Variants in RNASEH2B observed in about 807,000 individuals in gnomAD.
The protein encoded by RNASEH2B is ribonuclease H2 subunit B.
A neutral mutation model predicts 45.0 loss-of-function variants in RNASEH2B; 36 were observed. That is an observed-to-expected ratio of 0.80 (90% CI 0.61 to 1.06). The LOEUF (loss-of-function observed/expected upper bound fraction) is 1.06. Among genes scored for constraint, RNASEH2B ranks in the 50% least tolerant of loss-of-function variants. The probability of loss-of-function intolerance (pLI) is 0.00; values close to 1 mark genes in which losing one functional copy is unlikely to be tolerated. For synonymous variants in RNASEH2B, 119 were observed against 125.7 expected, an observed-to-expected ratio of 0.95 and a Z score of 0.35; for missense variants, 361 against 360.3, an observed-to-expected ratio of 1.00 and a Z score of -0.02.
chr13:50,960,219 C>T, downstream of RNASEH2B: 1 of 766,496 alleles, frequency 1.3e-6, no homozygotes, highest in Non-Finnish European at 1.8e-6. Flanking sequence ...AACCAGTTTA[C>T]TAAACTATTA....
chr13:50,952,933 C>A (rs1364450238), intron 9 of RNASEH2B: 2 of 152,078 alleles, frequency 1.3e-5, no homozygotes, highest in Admixed American at 1.3e-4. Context: ...GATAAAACAC[C>A]ATGGGCTGTG....
At chr13:50,954,814 A>G (rs951016170) in intron 10 of RNASEH2B, 2 of 152,206 alleles carry the variant, frequency 1.3e-5, no homozygotes, top group South Asian at 2.1e-4. Context: ...ATTATTGCCA[A>G]TGAGTATTTA....
At chr13:50,929,979 A>C (rs867288248) in intron 3 of RNASEH2B, 1 of 269,890 alleles carries the variant, frequency 3.7e-6, no homozygotes, top group Non-Finnish European at 7.2e-6. Context: ...AGAGCATAAC[A>C]AAGTTTCTTT....
At chr13:50,910,703 GC>G (rs1879330295) in intron 1 of RNASEH2B, 1 of 152,618 alleles carries the variant, frequency 6.6e-6, no homozygotes. Flanking sequence ...GGGCCTTTCA[GC>G]CCCCGTGTGG....
intron 4 of RNASEH2B, 89 bp from the exon 5 acceptor site, chr13:50,934,796 C>A (rs1951724961): frequency 4.5e-6 from 4 of 898,186 alleles, no homozygotes; most frequent in Non-Finnish European, 7.2e-6. Context: ...GTTTAAAGGC[C>A]CAGCCATGAG....
chr13:50,927,209 A>G (rs919129799), intron 1 of RNASEH2B, 198 bp from the exon 2 acceptor site: 4 of 502,306 alleles, frequency 8.0e-6, no homozygotes, highest in African/African-American at 3.9e-5. Flanking sequence ...ATAGCAATAC[A>G]TTTAAACTAC....
intron 10 of RNASEH2B, 39 bp downstream of exon 10, chr13:50,954,024 C>A: frequency 8.1e-7 from 1 of 1,242,006 alleles, no homozygotes; most frequent in Non-Finnish European, 1.2e-6. Context: ...CGTTCATACT[C>A]AGTGCGTGAT....
Position 50,910,038 on chromosome 13 carries a change from C to G in RNASEH2B, c.-39C>G. ...GGCGGGGCTGGGAGACTGAGGCCCGCGGCGCTGAGCCTGCGGCGCCCCGGA... is the reference window on the plus strand; with the variant it reads ...GGCGGGGCTGGGAGACTGAGGCCCGGGGCGCTGAGCCTGCGGCGCCCCGGA... On this transcript the variant is annotated 5_prime_UTR_variant, in exon 1 of 11. Coordinates refer to ENST00000336617, the MANE Select transcript of RNASEH2B (RefSeq NM_024570.4). 3.4e-6 allele frequency: 5 copies of G among 1,458,736 alleles called. No homozygotes were observed. Among genetic ancestry groups the G allele is most frequent in the Non-Finnish European group, 4.5e-6 (5 of 1,106,226 alleles). The allele number at this position is 1,458,736 out of a possible 1,614,324, so 90.4% of individuals were successfully genotyped here. A position where few individuals can be genotyped will look rare whatever the true frequency, so the allele number is the denominator to read the frequency against.
rs936027279 is a variant in RNASEH2B, at chr13:50,945,673, T to C, written c.616+141T>C. The C allele has an allele frequency of 4.4e-6, 3 of 675,974 alleles. No individual in the cohort carries two copies. The South Asian group carries it at 4.6e-5, about 10-fold the overall frequency. 41.9% of individuals were successfully genotyped at this position (675,974 alleles called of 1,614,324 possible). A position where few individuals can be genotyped will look rare whatever the true frequency, so the allele number is the denominator to read the frequency against. On this transcript the variant is annotated intron_variant, in intron 7 of 10. Transcript: ENST00000336617. ...TGCCTCATACACATTGTGGCAGGTG[T>C]GCATCTTATTTCAGAAGCGAAGAAT...
At chr13:50,954,952 A>C (rs1474489884) in intron 10 of RNASEH2B, 1 of 152,140 alleles carries the variant, frequency 6.6e-6, no homozygotes, top group African/African-American at 2.4e-5. Flanking sequence ...GCATTTTTGC[A>C]AATTGTTGGT....
At chr13:50,949,959 T>G (rs1365074224) in intron 9 of RNASEH2B, 3 of 154,320 alleles carry the variant, frequency 1.9e-5, no homozygotes, top group African/African-American at 7.2e-5. Context: ...TTTTCTGAAT[T>G]TGAAATGATT....
At chr13:50,915,772 C>T (rs59157979) in intron 1 of RNASEH2B, among the ~76,000 whole-genome samples, 6,112 of 152,230 alleles carry the variant, frequency 0.04, 403 homozygotes, top group African/African-American at 0.14. Flanking sequence ...TGGGCCACCC[C>T]GTGGCAAGGG....
At chr13:50,938,809 G>C (rs1436897582) in intron 5 of RNASEH2B, 1 of 152,210 alleles carries the variant, frequency 6.6e-6, no homozygotes, top group Non-Finnish European at 1.5e-5. Flanking sequence ...ACATGGCTTA[G>C]GGACTGGGGA....
intron 9 of RNASEH2B, among the ~76,000 whole-genome samples, chr13:50,963,926 G>A (rs893060483): frequency 6.6e-5 from 10 of 152,190 alleles, no homozygotes; most frequent in Non-Finnish European, 1.2e-4. Flanking sequence ...GGCCGGGTGC[G>A]TTGGCTCACG....
chr13:50,929,577 A>T lies in RNASEH2B; in HGVS notation c.239A>T (p.Gln80Leu). 6.3e-7 allele frequency: 1 copy of T among 1,586,992 alleles called. No individual in the cohort carries two copies. The highest frequency in any genetic ancestry group is 1.3e-5 in the African/African-American group (1 of 74,464). ...TCTTGGTTTATAAATCAATCAGTTCAATCAGGTAGGTGACTAGTGTAAGCA... is the reference window on the plus strand; with the variant it reads ...TCTTGGTTTATAAATCAATCAGTTCTATCAGGTAGGTGACTAGTGTAAGCA... Reference protein sequence around the residue: ...HHSWFINQSVQSGGLLHFATP... With the variant: ...HHSWFINQSVLSGGLLHFATP... The change falls in exon 3 of 11, where the codon CAA becomes CTA. Residue 80 changes from glutamine (Q) to leucine (L), a missense_variant. Gln to Leu is a moderately radical substitution (Grantham distance 113). Coordinates refer to ENST00000336617, the MANE Select transcript of RNASEH2B (RefSeq NM_024570.4).
At chr13:50,910,923 C>T (rs1593441011) in intron 1 of RNASEH2B, 1 of 152,338 alleles carries the variant, frequency 6.6e-6, no homozygotes, top group Middle Eastern at 3.4e-3. Flanking sequence ...TCAGCAAATG[C>T]AGTGTTTGTG....
intron 9 of RNASEH2B, 149 bp downstream of exon 9, chr13:50,949,654 C>A (rs1951951857): frequency 1.5e-6 from 1 of 677,326 alleles, no homozygotes; most frequent in Non-Finnish European, 2.5e-6. Flanking sequence ...TTGTACTGGG[C>A]TCTCCATCAC....
intron 1 of RNASEH2B, among the ~76,000 whole-genome samples, chr13:50,921,849 G>T (rs1250724829): frequency 6.6e-6 from 1 of 152,172 alleles, no homozygotes; most frequent in East Asian, 1.9e-4. Context: ...GGAACAGCAG[G>T]GTTTGTGGGA....
At chr13:50,916,545 T>C (rs1485194367) in intron 1 of RNASEH2B, among the ~76,000 whole-genome samples, 1 of 152,160 alleles carries the variant, frequency 6.6e-6, no homozygotes. Flanking sequence ...TCTTTGAAAG[T>C]GGATAAAGAT....
Sources: gnomAD v4.1 joint callset for allele counts (sites outside exome capture counted in the v4.1 genomes callset) on GRCh38, gnomAD v4.1.1 for gene constraint, MANE v1.5 for transcripts, NCBI Gene and HGNC (gene_info 2026-07-23, HGNC 2026-07-21) for gene names.